AK8: variants seen among roughly 807,000 people sequenced by gnomAD.
AK8 encodes the protein ATP-AMP transphosphorylase 8.
In AK8, 44 loss-of-function variants were observed where a neutral mutation model predicts 54.6. That is an observed-to-expected ratio of 0.81 (90% CI 0.63 to 1.04). The LOEUF (loss-of-function observed/expected upper bound fraction) is 1.04, where lower values mean the gene tolerates loss of function less well. AK8 is among the 50% of genes least tolerant of loss of function. The probability of loss-of-function intolerance (pLI) is 0.00; values close to 1 mark genes in which losing one functional copy is unlikely to be tolerated. For synonymous variants in AK8, 239 were observed against 245.6 expected (o/e 0.97, Z 0.25); for missense variants, 555 against 613.6 (o/e 0.90, Z 1.01).
intron 9 of AK8, among the ~76,000 whole-genome samples, chr9:132,818,027 CAGA>C (rs1300632926): frequency 1.3e-5 from 2 of 152,192 alleles, no homozygotes; most frequent in African/African-American, 2.4e-5. Context: ...GAGATTTCAT[CAGA>C]AGAAGTGCAA....
At position 132,770,952 on chromosome 9, in the gene AK8, G is replaced by A. The variant is rs1838950671; in HGVS notation, c.1121+21682C>T. 6.6e-6 allele frequency among the ~76,000 whole-genome samples: 1 copy of A among 152,188 alleles called. No homozygotes were observed. The highest frequency in any genetic ancestry group is 6.5e-5 in the Admixed American group (1 of 15,290). ...GCAGCTGGTGGCCTCGGCAAACGCAGCACAGGAGATGGGAGGGTCTGGCTG... is the reference window on the plus strand; with the variant it reads ...GCAGCTGGTGGCCTCGGCAAACGCAACACAGGAGATGGGAGGGTCTGGCTG... On this transcript the variant is annotated intron_variant, in intron 11 of 12. Coordinates refer to ENST00000298545, the MANE Select transcript of AK8 (RefSeq NM_152572.3). The surrounding 1 kb of genome is among the most constrained non-coding windows in gnomAD (Gnocchi z 4.3).
chr9:132,877,584 C>T (rs910338891), intron 1 of AK8, among the ~76,000 whole-genome samples: 2 of 152,142 alleles, frequency 1.3e-5, no homozygotes, highest in African/African-American at 4.8e-5. Context: ...CAAAGTCACA[C>T]GGTGAGCTGG....
rs544661246 is a variant in AK8, at chr9:132,803,554, T to C, written c.980-10779A>G. ...AGTAATTAGTGAATTACAGACACAA[T>C]TCCCTTTATATAGAGCAAGCCAACA... On this transcript the variant is annotated intron_variant, in intron 10 of 12. Coordinates refer to ENST00000298545, the MANE Select transcript of AK8 (RefSeq NM_152572.3). This position sits in a 1 kb window ranked among gnomAD's most constrained non-coding sequence, Gnocchi z 4.4. Among the ~76,000 whole-genome samples, 1 of 152,182 alleles carries C rather than the reference T, an allele frequency of 6.6e-6. No individual in the cohort carries two copies. The highest frequency in any genetic ancestry group is 2.4e-5 in the African/African-American group (1 of 41,508).
chr9:132,868,080 G>A (rs1354077949), intron 2 of AK8, among the ~76,000 whole-genome samples: 1 of 152,186 alleles, frequency 6.6e-6, no homozygotes, highest in East Asian at 1.9e-4. Flanking sequence ...CCTGGCCCCT[G>A]ACCCAAGGTG....
chr9:132,776,033 A>G (rs4962213), intron 11 of AK8, among the ~76,000 whole-genome samples: 33,975 of 152,208 alleles, frequency 0.22, 4,442 homozygotes, highest in African/African-American at 0.36. Context: ...AAGCAGCAGC[A>G]CCGGCCTCTC....
intron 11 of AK8, among the ~76,000 whole-genome samples, chr9:132,787,515 A>T (rs550739817): frequency 6.6e-6 from 1 of 152,310 alleles, no homozygotes; most frequent in South Asian, 2.1e-4. Flanking sequence ...TCTATCCAAC[A>T]AGTATGAAGA....
intron 11 of AK8, among the ~76,000 whole-genome samples, chr9:132,736,449 A>G (rs1564373044): frequency 6.7e-6 from 1 of 149,068 alleles, no homozygotes; most frequent in Non-Finnish European, 1.5e-5. Flanking sequence ...CGGCCTCCCA[A>G]AGTGTTGGGG....
intron 5 of AK8, among the ~76,000 whole-genome samples, chr9:132,850,398 CTTT>C (rs71376665): frequency 8.1e-6 from 1 of 123,638 alleles, no homozygotes; most frequent in Admixed American, 8.5e-5. Context: ...AACCCTAATA[CTTT>C]TTTTTTTTTT....
chr9:132,733,192 T>C (rs1836933781), intron 11 of AK8, among the ~76,000 whole-genome samples: 1 of 151,934 alleles, frequency 6.6e-6, no homozygotes, highest in Non-Finnish European at 1.5e-5. Context: ...ATGACTTCCA[T>C]TCACAACGTG....
At position 132,826,727 on chromosome 9, in the gene AK8, G is replaced by C; in HGVS notation, c.757+127C>G. On this transcript the variant is annotated intron_variant, in intron 8 of 12. Coordinates refer to ENST00000298545, the MANE Select transcript of AK8 (RefSeq NM_152572.3). This position sits in a 1 kb window ranked among gnomAD's most constrained non-coding sequence, Gnocchi z 4.5. ...AGGGAACCCGGGTCATCTATGTCTT[G>C]ACTTCCAGGGTCCCAGGCATGTCCC... 1 of 1,120,354 alleles carries C rather than the reference G, an allele frequency of 8.9e-7. No individual in the cohort carries two copies. The highest frequency in any genetic ancestry group is 1.3e-6 in the Non-Finnish European group (1 of 781,886). The allele number at this position is 1,120,354 out of a possible 1,614,324, so 69.4% of individuals were successfully genotyped here.
chr9:132,804,530 C>T (rs1028407941), intron 10 of AK8, among the ~76,000 whole-genome samples: 2 of 151,734 alleles, frequency 1.3e-5, no homozygotes, highest in Admixed American at 6.6e-5. Context: ...CCCCTGCCTC[C>T]CGCATCCCCT....
intron 11 of AK8, among the ~76,000 whole-genome samples, chr9:132,789,044 C>G (rs1304660200): frequency 6.6e-6 from 1 of 152,166 alleles, no homozygotes; most frequent in African/African-American, 2.4e-5. Context: ...ACCTGTAATC[C>G]CAGCACTTTG....
intron 11 of AK8, among the ~76,000 whole-genome samples, chr9:132,759,505 G>A (rs1208838212): frequency 6.6e-6 from 1 of 152,128 alleles, no homozygotes; most frequent in East Asian, 1.9e-4. Context: ...ATTTTAGGAA[G>A]ACTTCTGTAT....
Position 132,790,095 on chromosome 9 carries a change from T to C in AK8, c.1121+2539A>G, listed in dbSNP as rs1234567558. The stretch of plus-strand genomic sequence containing the variant: ...AATAATATTCCATGAACGAACAATA[T>C]GCCATGACCAAACCAGTTACTATAG... On this transcript the variant is annotated intron_variant, in intron 11 of 12. Transcript: ENST00000298545. This position sits in a 1 kb window ranked among gnomAD's most constrained non-coding sequence, Gnocchi z 4.1. 1.3e-5 allele frequency among the ~76,000 whole-genome samples: 2 copies of C among 152,162 alleles called. No homozygotes were observed. The highest frequency in any genetic ancestry group is 2.9e-5 in the Non-Finnish European group (2 of 68,038).
At chr9:132,819,229 A>C (rs382970) in intron 9 of AK8, among the ~76,000 whole-genome samples, 30,954 of 152,132 alleles carry the variant, frequency 0.2, 3,434 homozygotes, top group East Asian at 0.44. Flanking sequence ...AGTATTCCCT[A>C]AACAATACAG....
chr9:132,798,503 A>G (rs215185), intron 10 of AK8, among the ~76,000 whole-genome samples: 33,284 of 152,030 alleles, frequency 0.22, 3,963 homozygotes, highest in East Asian at 0.43. Context: ...TGCGGTCTAA[A>G]GTCTTTCACC....
chr9:132,749,983 A>AGAGATACTGACAGCACACTCTTG (rs1450320219), intron 11 of AK8, among the ~76,000 whole-genome samples: 1 of 148,350 alleles, frequency 6.7e-6, no homozygotes, highest in East Asian at 2.1e-4. Context: ...GCACACTCCT[A>AGAGATACTGACAGCACACTCTTG]GAGATACTGA....
intron 11 of AK8, among the ~76,000 whole-genome samples, chr9:132,741,245 T>TG (rs1226570350): frequency 6.6e-6 from 1 of 152,142 alleles, no homozygotes; most frequent in African/African-American, 2.4e-5. Flanking sequence ...TGTGTCCGAA[T>TG]CCCCCCGACA....
chr9:132,869,452 G>A (rs1358222957), intron 2 of AK8, among the ~76,000 whole-genome samples: 1 of 152,240 alleles, frequency 6.6e-6, no homozygotes, highest in African/African-American at 2.4e-5. Flanking sequence ...AGGCCCTGCG[G>A]AGCTGCCAGG....
Sources: allele counts gnomAD v4.1 joint callset (sites outside exome capture counted in the v4.1 genomes callset), GRCh38; gene constraint gnomAD v4.1.1; non-coding constraint Gnocchi (gnomAD v3.1); transcripts MANE v1.5; gene names NCBI Gene and HGNC (gene_info 2026-07-23, HGNC 2026-07-21).